The following IDO1 variants were observed in gnomAD, a reference collection of about 807,000 sequenced individuals.
The protein encoded by IDO1 is indolamine 2,3 dioxygenase.
In IDO1, 35 loss-of-function variants were observed where a neutral mutation model predicts 38.8. The observed-to-expected ratio is 0.90, with a 90% CI of 0.69 to 1.20. IDO1 has a LOEUF of 1.20. Among genes scored for constraint, IDO1 ranks in the 50% most tolerant of loss-of-function variants. The pLI is 0.00. For missense variants in IDO1, 509 were observed against 485.1 expected (o/e 1.05, Z -0.46); for synonymous variants, 171 against 170.0 (o/e 1.01, Z -0.05).
intron 8 of IDO1, 69 bp downstream of exon 8, chr8:39,924,841 G>T (rs1807335711): frequency 2.6e-6 from 3 of 1,150,786 alleles, no homozygotes; most frequent in South Asian, 2.6e-5. Flanking sequence ...TCTCTTGGTT[G>T]GTCCCTAATA....
rs1211849692 is a variant in IDO1, at chr8:39,928,229, T to TA, written c.*45dup. 6 of 1,351,314 alleles carry TA rather than the reference T, an allele frequency of 4.4e-6. No homozygotes were observed. In the South Asian group the frequency reaches 8.0e-5, roughly 18 times the overall value. The allele number at this position is 1,351,314 out of a possible 1,614,324, so 83.7% of individuals were successfully genotyped here. A position where few individuals can be genotyped will look rare whatever the true frequency, so the allele number is the denominator to read the frequency against. ...CATTTTATCATAGCAGAGACATCTG[T>TA]ATGCATTCCTGTCATTACCCATTGT... On this transcript the variant is annotated 3_prime_UTR_variant, in exon 10 of 10. Coordinates refer to ENST00000518237, the MANE Select transcript of IDO1 (RefSeq NM_002164.6).
intron 7 of IDO1, among the ~76,000 whole-genome samples, chr8:39,924,276 A>G (rs1807324171): frequency 6.6e-6 from 1 of 152,064 alleles, no homozygotes; most frequent in Non-Finnish European, 1.5e-5. Context: ...CTGAGGTGGG[A>G]AGATTGCTTG....
intron 4 of IDO1, among the ~76,000 whole-genome samples, chr8:39,919,227 T>C: frequency 6.6e-6 from 1 of 152,200 alleles, no homozygotes. Flanking sequence ...AGATACAGAA[T>C]TTTTTATCAC....
At chr8:39,914,095 GTTCAGTAAC>G in intron 1 of IDO1, 86 bp downstream of exon 1, 1 of 910,116 alleles carries the variant, frequency 1.1e-6, no homozygotes, top group Non-Finnish European at 1.8e-6. Flanking sequence ...AACAACTGTG[GTTCAGTAAC>G]TTCTAGTAAA....
rs2129592007 is a variant in IDO1 at position 39,913,946 on chromosome 8, C to T, written c.24C>T (p.Ser8=). 1 of 1,574,044 alleles carries T rather than the reference C, an allele frequency of 6.4e-7. No individual in the cohort carries two copies. Among genetic ancestry groups the T allele is most frequent in the Non-Finnish European group, 8.6e-7 (1 of 1,159,574 alleles). The change falls in exon 1 of 10, where the codon TCC becomes TCT. Residue 8 remains serine (S), a synonymous_variant. Transcript: ENST00000518237. MAHAMEN[S]WTISKEYHID... is the part of the protein sequence containing the mutation. ...GAATGGCACACGCTATGGAAAACTC[C>T]TGGACAATCAGTAAAGAGTACCATA...
chr8:39,916,594 T>C (rs988558789), intron 1 of IDO1, among the ~76,000 whole-genome samples: 11 of 152,230 alleles, frequency 7.2e-5, no homozygotes, highest in Admixed American at 6.5e-4. Context: ...TGAAGATCTT[T>C]CCTAGAAATT....
intron 5 of IDO1, among the ~76,000 whole-genome samples, chr8:39,920,376 A>G (rs1324270139): frequency 6.6e-6 from 1 of 152,236 alleles, no homozygotes; most frequent in East Asian, 1.9e-4. Flanking sequence ...TAATATGCAA[A>G]CATACAAAAT....
At chr8:39,923,861 G>T in intron 7 of IDO1, 1 of 214,644 alleles carries the variant, frequency 4.7e-6, no homozygotes, top group Non-Finnish European at 9.1e-6. Context: ...TAACACTAAG[G>T]AACTTCCTTG....
chr8:39,928,584 T>C lies in IDO1; in HGVS notation c.*399T>C, dbSNP rs1185492014. ...CCGTCTCTACTAAAAATACAAAAAATTAGCCGGGCGCGGTGGCGGGCACCT... is the reference window on the plus strand; with the variant it reads ...CCGTCTCTACTAAAAATACAAAAAACTAGCCGGGCGCGGTGGCGGGCACCT... On this transcript the variant is annotated 3_prime_UTR_variant, in exon 10 of 10. Transcript: ENST00000518237. 1 of 155,400 alleles carries C rather than the reference T, an allele frequency of 6.4e-6. No individual in the cohort carries two copies. Among genetic ancestry groups the C allele is most frequent in the Non-Finnish European group, 1.4e-5 (1 of 70,192 alleles). 9.6% of individuals were successfully genotyped at this position (155,400 alleles called of 1,614,324 possible). A position where few individuals can be genotyped will look rare whatever the true frequency, so the allele number is the denominator to read the frequency against.
At chr8:39,924,931 C>T (rs1807337163) in intron 8 of IDO1, among the ~76,000 whole-genome samples, 159 bp downstream of exon 8, 2 of 152,076 alleles carry the variant, frequency 1.3e-5, no homozygotes, top group African/African-American at 4.8e-5. Flanking sequence ...ATCACTTGGC[C>T]AGGAATGTAC....
Position 39,917,913 on chromosome 8 carries a change from T to A in IDO1, c.126T>A (p.Ile42=), listed in dbSNP as rs780797736. The change falls in exon 2 of 10, where the codon ATT becomes ATA. Residue 42 remains isoleucine (I), a synonymous_variant. Coordinates refer to ENST00000518237, the MANE Select transcript of IDO1 (RefSeq NM_002164.6). ...ATTTTTATAATGACTGGATGTTCAT[T>A]GCTAAACATCTGCCTGATCTCATAG... ...LPDFYNDWMF[I]AKHLPDLIES... 4 of 1,612,512 alleles carry A rather than the reference T, an allele frequency of 2.5e-6. No homozygotes were observed. The highest frequency in any genetic ancestry group is 3.4e-6 in the Non-Finnish European group (4 of 1,178,742).
At position 39,918,766 on chromosome 8, in the gene IDO1, A is replaced by C. The variant is rs763842703; in HGVS notation, c.304-49A>C. ...CATCTCAAAAAAAAAAAAAAAAAAA[A>C]AAACAACAACAACAACAACAAAAAA... On this transcript the variant is annotated intron_variant, in intron 3 of 9. Coordinates refer to ENST00000518237, the MANE Select transcript of IDO1 (RefSeq NM_002164.6). The C allele has an allele frequency of 4.8e-5, 36 of 742,392 alleles. No homozygotes were observed. The African/African-American group carries it at 5.8e-4, about 12-fold the overall frequency. The allele number at this position is 742,392 out of a possible 1,614,324, so 46.0% of individuals were successfully genotyped here.
At chr8:39,915,851 C>A (rs1005567557) in intron 1 of IDO1, 1 of 152,074 alleles carries the variant, frequency 6.6e-6, no homozygotes, top group African/African-American at 2.4e-5. Context: ...ACAAACGAAA[C>A]TCTTCCTTAG....
Position 39,928,336 on chromosome 8 carries a change from T to A in IDO1, c.*151T>A. 1 of 569,576 alleles carries A rather than the reference T, an allele frequency of 1.8e-6. No homozygotes were observed. The highest frequency in any genetic ancestry group is 3.1e-6 in the Non-Finnish European group (1 of 327,256). 35.3% of individuals were successfully genotyped at this position (569,576 alleles called of 1,614,324 possible). Reference sequence around the variant, plus strand: ...CCTCAAAATACCTGTGCATTTCTTGTAGGAAAACAACAAAAGGTAATTATG... The same window carrying A: ...CCTCAAAATACCTGTGCATTTCTTGAAGGAAAACAACAAAAGGTAATTATG... On this transcript the variant is annotated 3_prime_UTR_variant, in exon 10 of 10. Coordinates refer to ENST00000518237, the MANE Select transcript of IDO1 (RefSeq NM_002164.6).
Position 39,922,599 on chromosome 8 carries a change from G to C in IDO1, c.485G>C (p.Gly162Ala), listed in dbSNP as rs959237540. 1 of 1,613,746 alleles carries C rather than the reference G, an allele frequency of 6.2e-7. No homozygotes were observed. The highest frequency in any genetic ancestry group is 1.7e-5 in the Admixed American group (1 of 60,022). The change falls in exon 6 of 10, where the codon GGA becomes GCA. Residue 162 changes from glycine to alanine, a missense_variant. Physicochemically the swap from Gly to Ala is moderately conservative, Grantham distance 60 (BLOSUM62 0). Transcript: ENST00000518237. ...FSFRDGDCSK[G>A]FFLVSLLVEI... is the part of the protein sequence containing the mutation. ...TTTCGTGATGGAGACTGCAGTAAAG[G>C]ATTCTTCCTGGTCTCTCTATTGGTG...
Position 39,927,977 on chromosome 8 carries a change from G to A in IDO1, c.1004G>A (p.Cys335Tyr), listed in dbSNP as rs1807393716. ...DAGLREAYDA[C>Y]VKALVSLRSY... ...GGCCTGCGGGAAGCTTATGACGCCTGTGTGAAAGCTCTGGTCTCCCTGAGG... is the reference window on the plus strand; with the variant it reads ...GGCCTGCGGGAAGCTTATGACGCCTATGTGAAAGCTCTGGTCTCCCTGAGG... The change falls in exon 10 of 10, where the codon TGT (cysteine) becomes TAT (tyrosine). Residue 335 changes from cysteine (C) to tyrosine (Y), a missense_variant. Coordinates refer to ENST00000518237, the MANE Select transcript of IDO1 (RefSeq NM_002164.6). 1 of 1,604,956 alleles carries A rather than the reference G, an allele frequency of 6.2e-7. No individual in the cohort carries two copies. The highest frequency in any genetic ancestry group is 1.3e-5 in the African/African-American group (1 of 74,786).
At chr8:39,927,729 A>G (rs1807388121) in intron 9 of IDO1, 101 bp from the exon 10 acceptor site, 1 of 626,476 alleles carries the variant, frequency 1.6e-6, no homozygotes, top group Non-Finnish European at 2.7e-6. Flanking sequence ...AGTGAATGCT[A>G]TATTGGTGAT....
chr8:39,916,098 G>A (rs559780678), intron 1 of IDO1, among the ~76,000 whole-genome samples: 97 of 152,102 alleles, frequency 6.4e-4, no homozygotes, highest in African/African-American at 2.3e-3. Context: ...CCTGGGAGTC[G>A]GAGGTTGCAG....
rs372512518 is a variant in IDO1, at chr8:39,923,508, C to G, written c.577C>G (p.Arg193Gly). ...TVFKAMQMQERDTLLKALLEI... is the reference protein window; with the variant it reads ...TVFKAMQMQEGDTLLKALLEI... ...ATTCAAGGCAATGCAAATGCAAGAACGGGACACTTTGCTAAAGGCGCTGTT... is the reference window on the plus strand; with the variant it reads ...ATTCAAGGCAATGCAAATGCAAGAAGGGGACACTTTGCTAAAGGCGCTGTT... Residue 193 changes from arginine to glycine, a missense_variant, in exon 7 of 10, where the codon CGG (arginine) becomes GGG (glycine). By Grantham distance (125) the Arg-to-Gly change is moderately radical (BLOSUM62 -2). Coordinates refer to ENST00000518237, the MANE Select transcript of IDO1 (RefSeq NM_002164.6). The G allele has an allele frequency of 9.6e-5, 155 of 1,612,136 alleles. No homozygotes were observed. The East Asian group carries it at 3.4e-3, about 35-fold the overall frequency.
Sources: gnomAD v4.1 joint callset for allele counts (sites outside exome capture counted in the v4.1 genomes callset) on GRCh38, gnomAD v4.1.1 for gene constraint, MANE v1.5 for transcripts, NCBI Gene and HGNC (gene_info 2026-07-23, HGNC 2026-07-21) for gene names.